EEIG1: variants seen among roughly 807,000 people sequenced by gnomAD.
EEIG1 encodes estrogen-induced osteoclastogenesis regulator 1, also known as early estrogen-induced gene 1 protein.
the EEIG1 span, among the ~76,000 whole-genome samples, chr9:127,952,956 A>G: frequency 2.6e-5 from 4 of 152,110 alleles, no homozygotes; most frequent in Non-Finnish European, 5.9e-5. Context: ...AGCTCAGGCA[A>G]TTCGCTTGCC....
chr9:127,973,816 T>C, the EEIG1 span, among the ~76,000 whole-genome samples: 2 of 152,016 alleles, frequency 1.3e-5, no homozygotes, highest in African/African-American at 4.8e-5. This position sits in a 1 kb window ranked among gnomAD's most constrained non-coding sequence, Gnocchi z 4.2. Context: ...TGGAAGGCCT[T>C]CTACGGCACC....
At chr9:127,958,377 A>G in the EEIG1 span, among the ~76,000 whole-genome samples, 3 of 152,160 alleles carry the variant, frequency 2.0e-5, no homozygotes, top group African/African-American at 7.2e-5. Context: ...AAAATTAAAA[A>G]CTTTTAGTGG....
At chr9:127,976,341 G>A in the EEIG1 span, among the ~76,000 whole-genome samples, 1 of 152,250 alleles carries the variant, frequency 6.6e-6, no homozygotes, top group African/African-American at 2.4e-5. This position sits in a 1 kb window ranked among gnomAD's most constrained non-coding sequence, Gnocchi z 4.1. Context: ...CATGGGGTAG[G>A]TGACTGCAGG....
At chr9:127,943,511 T>C in the EEIG1 span, 1 of 494,980 alleles carries the variant, frequency 2.0e-6, no homozygotes, top group African/African-American at 1.9e-5. Flanking sequence ...AGTCACTGCA[T>C]CCTGCCCCAC....
the EEIG1 span, among the ~76,000 whole-genome samples, chr9:127,968,879 A>G: frequency 1.3e-5 from 2 of 152,072 alleles, no homozygotes; most frequent in African/African-American, 4.8e-5. Context: ...ACTGGTCTCC[A>G]CCTCCTCCCC....
chr9:127,975,455 C>T, the EEIG1 span, among the ~76,000 whole-genome samples: 1 of 152,158 alleles, frequency 6.6e-6, no homozygotes, highest in African/African-American at 2.4e-5. Context: ...GTACAGAGCA[C>T]AAGAGGACCC....
the EEIG1 span, among the ~76,000 whole-genome samples, chr9:127,966,230 A>G: frequency 2.1e-4 from 32 of 152,174 alleles, no homozygotes; most frequent in Non-Finnish European, 4.4e-4. Flanking sequence ...GGGTTAGGTG[A>G]AAGGATCCCA....
chr9:127,971,228 A>T, the EEIG1 span, among the ~76,000 whole-genome samples: 1 of 152,154 alleles, frequency 6.6e-6, no homozygotes, highest in Non-Finnish European at 1.5e-5. Context: ...AGCCCTCCTG[A>T]GCAGCCCTGT....
chr9:127,943,473 C>T, the EEIG1 span: 2 of 567,154 alleles, frequency 3.5e-6, no homozygotes, highest in African/African-American at 1.9e-5. Flanking sequence ...GGCTGTGCCA[C>T]CCCATCCTCA....
the EEIG1 span, among the ~76,000 whole-genome samples, chr9:127,974,249 C>T: frequency 6.6e-6 from 1 of 152,188 alleles, no homozygotes; most frequent in Non-Finnish European, 1.5e-5. Context: ...TCCCTGGGTG[C>T]AGGTCAGGCC....
At chr9:127,945,314 G>A in the EEIG1 span, 1 of 1,374,620 alleles carries the variant, frequency 7.3e-7, no homozygotes. The surrounding 1 kb of genome is among the most constrained non-coding windows in gnomAD (Gnocchi z 6.5). Flanking sequence ...GGAGGTTCAA[G>A]GCACCACCGG....
chr9:127,944,976 C>T, the EEIG1 span: 56 of 1,524,164 alleles, frequency 3.7e-5, 2 homozygotes, highest in South Asian at 3.9e-4. Flanking sequence ...GACAATAATG[C>T]CAGTCAGCCG....
chr9:127,969,619 C>A, the EEIG1 span, among the ~76,000 whole-genome samples: 74 of 152,184 alleles, frequency 4.9e-4, 1 homozygote, highest in African/African-American at 1.7e-3. Context: ...CAGGAGCCTG[C>A]CCTCCCCATG....
the EEIG1 span, among the ~76,000 whole-genome samples, chr9:127,968,128 C>A: frequency 4.9e-4 from 74 of 152,092 alleles, 1 homozygote; most frequent in African/African-American, 1.8e-3. Flanking sequence ...GGCTGGGACA[C>A]CCTGGTTGGG....
chr9:127,970,795 C>CGACCTTGCCGTGCCTCT, the EEIG1 span, among the ~76,000 whole-genome samples: 1 of 151,358 alleles, frequency 6.6e-6, no homozygotes. Context: ...TCAGCACGCT[C>CGACCTTGCCGTGCCTCT]GCCCTTGCCG....
At chr9:127,965,809 C>G in the EEIG1 span, among the ~76,000 whole-genome samples, 1 of 152,350 alleles carries the variant, frequency 6.6e-6, no homozygotes, top group South Asian at 2.1e-4. Flanking sequence ...GGGGACCAGC[C>G]AAGGCGTCCG....
the EEIG1 span, among the ~76,000 whole-genome samples, chr9:127,976,923 ACCTGGAAACAATGGG>A: frequency 6.8e-6 from 1 of 146,628 alleles, no homozygotes; most frequent in Non-Finnish European, 1.5e-5. This position sits in a 1 kb window ranked among gnomAD's most constrained non-coding sequence, Gnocchi z 4.1. Context: ...CCCTACTCCA[ACCTGGAAACAATGGG>A]GCCTTTGCTG....
chr9:127,967,959 C>A, the EEIG1 span, among the ~76,000 whole-genome samples: 586 of 146,696 alleles, frequency 4.0e-3, 31 homozygotes, highest in East Asian at 0.08. Flanking sequence ...GACCATAGAT[C>A]AGGATATTTC....
the EEIG1 span, among the ~76,000 whole-genome samples, chr9:127,961,280 AGGT>A: frequency 3.7e-5 from 1 of 27,176 alleles, no homozygotes; most frequent in Non-Finnish European, 2.7e-4. Flanking sequence ...ACCCCCAGGC[AGGT>A]GGCATGCATG....
Sources: gnomAD v4.1 joint callset for allele counts (sites outside exome capture counted in the v4.1 genomes callset) on GRCh38, gnomAD v4.1.1 for gene constraint, Gnocchi (gnomAD v3.1) non-coding constraint, MANE v1.5 for transcripts, NCBI Gene and HGNC (gene_info 2026-07-23, HGNC 2026-07-21) for gene names.